The following ANK2 variants were observed in gnomAD, a reference collection of about 807,000 sequenced individuals.
ANK2 encodes the protein ankyrin 2.
ANK2 carries 83 observed loss-of-function variants against 360.5 expected under a neutral mutation model. That is an observed-to-expected ratio of 0.23 (90% CI 0.19 to 0.28). ANK2 has a LOEUF of 0.28. Ranked by LOEUF, ANK2 falls within the 10% of genes least tolerant of loss-of-function variation. ANK2 has a pLI of 1.00. For missense variants in ANK2, 4,201 were observed against 4,795.7 expected (o/e 0.88, Z 3.66); for synonymous variants, 1,740 against 1,759.5 (o/e 0.99, Z 0.28).
intron 1 of ANK2, among the ~76,000 whole-genome samples, chr4:112,879,559 C>T (rs1028662210): frequency 2.6e-5 from 4 of 152,020 alleles, no homozygotes; most frequent in East Asian, 1.9e-4. Flanking sequence ...CCACAGAAAC[C>T]GTGAAATAAT....
Position 113,353,154 on chromosome 4 carries a change from A to G in ANK2, c.4536A>G (p.Gln1512=). ...DLLSEVSEMK[Q]DLIKMTAILT... ...TCTCTGAAGTTTCTGAGATGAAACAAGATTTGATCAAAATGACCGCCATCT... is the reference window on the plus strand; with the variant it reads ...TCTCTGAAGTTTCTGAGATGAAACAGGATTTGATCAAAATGACCGCCATCT... Residue 1512 remains glutamine, a synonymous_variant, in exon 38 of 46, where the codon CAA becomes CAG. Transcript: ENST00000357077. 1.9e-6 allele frequency: 3 copies of G among 1,614,122 alleles called. No homozygotes were observed. Among genetic ancestry groups the G allele is most frequent in the Non-Finnish European group, 2.5e-6 (3 of 1,179,972 alleles).
At chr4:113,202,756 G>A (rs1400895397) in intron 4 of ANK2, among the ~76,000 whole-genome samples, 1 of 152,176 alleles carries the variant, frequency 6.6e-6, no homozygotes, top group Non-Finnish European at 1.5e-5. Flanking sequence ...TTCATGTGAG[G>A]CTTACCGCCA....
At chr4:112,824,264 C>T (rs1426999253) in intron 1 of ANK2, among the ~76,000 whole-genome samples, 1 of 151,904 alleles carries the variant, frequency 6.6e-6, no homozygotes, top group Non-Finnish European at 1.5e-5. Context: ...ACTGCAGTCT[C>T]GAACTCTTGG....
intron 2 of ANK2, among the ~76,000 whole-genome samples, chr4:113,021,530 C>CACA (rs1554056651): frequency 7.6e-3 from 100 of 13,072 alleles, no homozygotes; most frequent in African/African-American, 0.023. Flanking sequence ...ACACACACAC[C>CACA]CACACACAAA....
intron 2 of ANK2, among the ~76,000 whole-genome samples, chr4:112,924,316 T>C (rs56896398): frequency 0.12 from 17,996 of 149,470 alleles, 1,861 homozygotes; most frequent in East Asian, 0.34. Context: ...TGCAGTGAGC[T>C]GAGATCGCAC....
chr4:113,317,339 C>T, intron 24 of ANK2: 2 of 312,496 alleles, frequency 6.4e-6, no homozygotes, highest in Non-Finnish European at 6.3e-6. Flanking sequence ...GAGAGATTAA[C>T]ATTTAACACA....
intron 1 of ANK2, among the ~76,000 whole-genome samples, chr4:112,885,631 C>A (rs1357920829): frequency 2.0e-5 from 3 of 150,722 alleles, no homozygotes; most frequent in African/African-American, 7.3e-5. Context: ...CCCGTCTCTG[C>A]TAAAAATACA....
chr4:113,021,606 G>A (rs1020048359), intron 2 of ANK2, among the ~76,000 whole-genome samples: 3 of 139,914 alleles, frequency 2.1e-5, no homozygotes, highest in Non-Finnish European at 3.1e-5. Context: ...TTGGGGTGTC[G>A]TGTTCTGAGC....
At chr4:113,319,727 C>T (rs72675265) in intron 26 of ANK2, among the ~76,000 whole-genome samples, 75 of 152,038 alleles carry the variant, frequency 4.9e-4, no homozygotes, top group Non-Finnish European at 8.7e-4. Context: ...GTTCCTAATG[C>T]GACAGTTATT....
chr4:113,179,393 T>A (rs2098334568), intron 2 of ANK2, among the ~76,000 whole-genome samples: 1 of 152,208 alleles, frequency 6.6e-6, no homozygotes, highest in Non-Finnish European at 1.5e-5. Flanking sequence ...GAAATTTGAA[T>A]CAATGTTTTT....
rs184001388 is a variant in ANK2 at position 113,016,331 on chromosome 4, C to T, written c.21+111817C>T. ...TCATTTGTGGACACTTTCAGTACTC[C>T]GGAGGCACAAACTCTTATAGGTTCT... is the stretch of plus-strand genomic sequence containing the variant. On this transcript the variant is annotated intron_variant, in intron 2 of 30. Transcript: ENST00000503271. Among the ~76,000 whole-genome samples, 23 of 152,234 alleles carry T rather than the reference C, an allele frequency of 1.5e-4. No individual in the cohort carries two copies. The East Asian group carries it at 1.5e-3, about 10-fold the overall frequency.
intron 2 of ANK2, among the ~76,000 whole-genome samples, chr4:113,180,071 C>T (rs776440737): frequency 7.9e-5 from 12 of 152,170 alleles, no homozygotes; most frequent in African/African-American, 2.7e-4. Context: ...AAGGCAAGGT[C>T]GAAGCACCAT....
intron 1 of ANK2, among the ~76,000 whole-genome samples, chr4:112,889,325 G>T (rs1234880924): frequency 6.6e-6 from 1 of 151,600 alleles, no homozygotes. Context: ...TCTCTTTGGG[G>T]TGAGTGATGC....
chr4:113,175,303 G>A (rs530206790), intron 2 of ANK2, among the ~76,000 whole-genome samples: 8 of 152,142 alleles, frequency 5.3e-5, no homozygotes, highest in African/African-American at 1.9e-4. Flanking sequence ...GGTATATATT[G>A]AACCCAGTTA....
intron 1 of ANK2, among the ~76,000 whole-genome samples, chr4:113,065,306 T>C (rs541168952): frequency 6.6e-6 from 1 of 152,346 alleles, no homozygotes; most frequent in South Asian, 2.1e-4. Flanking sequence ...AACATATAGA[T>C]ATCACCTATA....
chr4:113,013,520 A>G (rs1158666617), intron 2 of ANK2, among the ~76,000 whole-genome samples: 2 of 152,172 alleles, frequency 1.3e-5, no homozygotes, highest in Non-Finnish European at 2.9e-5. Flanking sequence ...AAATGTAGGC[A>G]GTTTAGAAAG....
intron 7 of ANK2, 23 bp from the exon 8 acceptor site, chr4:113,240,462 C>G: frequency 6.4e-7 from 1 of 1,567,680 alleles, no homozygotes; most frequent in Non-Finnish European, 8.8e-7. Flanking sequence ...GCTATACTGA[C>G]TGTCATATCT....
At chr4:112,816,936 G>A (rs575984884), upstream of ANK2, among the ~76,000 whole-genome samples, 460 of 152,298 alleles carry the variant, frequency 3.0e-3, 2 homozygotes, top group Middle Eastern at 6.8e-3. Context: ...ACTTGAACCC[G>A]GGAGGGGGAA....
At chr4:112,968,230 G>A (rs752282364) in intron 2 of ANK2, among the ~76,000 whole-genome samples, 2 of 152,176 alleles carry the variant, frequency 1.3e-5, no homozygotes, top group Non-Finnish European at 2.9e-5. Flanking sequence ...AGAGGTGGTG[G>A]TACCGCTGAA....
Sources: allele counts gnomAD v4.1 joint callset (sites outside exome capture counted in the v4.1 genomes callset), GRCh38; gene constraint gnomAD v4.1.1; transcripts MANE v1.5; gene names NCBI Gene and HGNC (gene_info 2026-07-23, HGNC 2026-07-21).